Variants in HS3ST3A1 observed in about 807,000 individuals in gnomAD.
The protein encoded by HS3ST3A1 is heparan sulfate glucosamine 3-O-sulfotransferase 3A1.
HS3ST3A1 carries 19 observed loss-of-function variants against 25.7 expected under a neutral mutation model. The ratio of observed to expected loss-of-function variants is 0.74; its 90% CI spans 0.52 to 1.08. HS3ST3A1 has a LOEUF of 1.08. HS3ST3A1 is among the 50% of genes least tolerant of loss of function. The pLI is 0.00. For synonymous variants in HS3ST3A1, 226 were observed against 278.6 expected (o/e 0.81, Z 1.88); for missense variants, 459 against 594.3 (o/e 0.77, Z 2.37).
At chr17:13,577,668 G>GAAAAAAACTCAGTCAGAGAT (rs1907980896) in intron 1 of HS3ST3A1, among the ~76,000 whole-genome samples, 1 of 152,018 alleles carries the variant, frequency 6.6e-6, no homozygotes, top group Admixed American at 6.6e-5. Flanking sequence ...TTTAGAAGAT[G>GAAAAAAACTCAGTCAGAGAT]AAAAAAACTC....
chr17:13,531,555 C>T (rs745824936), intron 1 of HS3ST3A1, among the ~76,000 whole-genome samples: 6 of 151,294 alleles, frequency 4.0e-5, no homozygotes, highest in Non-Finnish European at 8.8e-5. Context: ...CACCCAGTTC[C>T]CAGCATCTTT....
intron 1 of HS3ST3A1, among the ~76,000 whole-genome samples, chr17:13,545,832 G>A (rs780311002): frequency 3.9e-5 from 6 of 152,024 alleles, no homozygotes; most frequent in African/African-American, 7.3e-5. Flanking sequence ...AAAATTAGCC[G>A]GGTGTGGTGG....
chr17:13,587,025 A>T (rs1598434138), intron 1 of HS3ST3A1, among the ~76,000 whole-genome samples: 2 of 151,796 alleles, frequency 1.3e-5, no homozygotes, highest in East Asian at 1.9e-4. Context: ...TATTATTAAA[A>T]TTAATTTCAC....
At chr17:13,528,323 A>G (rs1433350390) in intron 1 of HS3ST3A1, among the ~76,000 whole-genome samples, 1 of 152,228 alleles carries the variant, frequency 6.6e-6, no homozygotes, top group African/African-American at 2.4e-5. Context: ...CCCTTCAGGA[A>G]AGGACTTGCC....
chr17:13,552,085 A>T (rs201835945), intron 1 of HS3ST3A1, among the ~76,000 whole-genome samples: 1 of 144,734 alleles, frequency 6.9e-6, no homozygotes, highest in Non-Finnish European at 1.5e-5. Context: ...TTATTTTTTT[A>T]TTTTTATTTT....
intron 1 of HS3ST3A1, among the ~76,000 whole-genome samples, chr17:13,591,784 G>A (rs868296199): frequency 4.0e-5 from 6 of 151,470 alleles, no homozygotes; most frequent in East Asian, 2.0e-4. Context: ...TCAGCTTCCC[G>A]AGTAGCTGGG....
Position 13,594,886 on chromosome 17 carries a change from T to C in HS3ST3A1, c.599+5645A>G, listed in dbSNP as rs534206120. ...CTTTTTTAAATTGAGACTGCAAATATGCTCTATCATGATGAGGTTTTTCAA... is the reference window on the plus strand; with the variant it reads ...CTTTTTTAAATTGAGACTGCAAATACGCTCTATCATGATGAGGTTTTTCAA... On this transcript the variant is annotated intron_variant, in intron 1 of 1. Coordinates refer to ENST00000284110, the MANE Select transcript of HS3ST3A1 (RefSeq NM_006042.3). 1.2e-4 allele frequency among the ~76,000 whole-genome samples: 19 copies of C among 152,220 alleles called. No homozygotes were observed. In the South Asian group the frequency reaches 2.1e-3, roughly 17 times the overall value.
intron 1 of HS3ST3A1, among the ~76,000 whole-genome samples, chr17:13,507,820 G>T (rs2142302283): frequency 6.6e-6 from 1 of 152,302 alleles, no homozygotes; most frequent in Non-Finnish European, 1.5e-5. Context: ...GCCATGGCAA[G>T]AAGGTAGTTC....
chr17:13,586,405 G>A (rs1644748223), intron 1 of HS3ST3A1, among the ~76,000 whole-genome samples: 1 of 151,440 alleles, frequency 6.6e-6, no homozygotes, highest in Non-Finnish European at 1.5e-5. Flanking sequence ...AGCAGAACCA[G>A]AGGGGGTCTG....
chr17:13,516,154 CA>C (rs1422404909), intron 1 of HS3ST3A1, among the ~76,000 whole-genome samples: 2 of 151,968 alleles, frequency 1.3e-5, no homozygotes, highest in Non-Finnish European at 2.9e-5. Flanking sequence ...ACTAAAAATA[CA>C]AACAATGAGC....
At chr17:13,587,797 T>A (rs1908316146) in intron 1 of HS3ST3A1, among the ~76,000 whole-genome samples, 1 of 152,140 alleles carries the variant, frequency 6.6e-6, no homozygotes, top group South Asian at 2.1e-4. Flanking sequence ...ATATTTGTAG[T>A]TGAGCATATA....
intron 1 of HS3ST3A1, among the ~76,000 whole-genome samples, chr17:13,553,704 C>T (rs1247774918): frequency 3.3e-5 from 5 of 152,192 alleles, no homozygotes; most frequent in African/African-American, 1.2e-4. Context: ...CTAACTTACT[C>T]TTTTCTGGCA....
intron 1 of HS3ST3A1, among the ~76,000 whole-genome samples, chr17:13,581,362 G>T (rs1908106757): frequency 6.6e-6 from 1 of 151,720 alleles, no homozygotes; most frequent in Non-Finnish European, 1.5e-5. Flanking sequence ...AGCTACTCAG[G>T]AGGCTGAGGC....
chr17:13,511,116 C>A (rs1000052801), intron 1 of HS3ST3A1, among the ~76,000 whole-genome samples: 2 of 152,204 alleles, frequency 1.3e-5, no homozygotes, highest in Non-Finnish European at 2.9e-5. Flanking sequence ...AATAGGGACA[C>A]AGGTAAGAAG....
chr17:13,497,307 T>G (rs900733569), intron 1 of HS3ST3A1, among the ~76,000 whole-genome samples: 1 of 152,240 alleles, frequency 6.6e-6, no homozygotes, highest in Admixed American at 6.5e-5. Flanking sequence ...AAAATACTTA[T>G]GTTTGTAATT....
intron 1 of HS3ST3A1, among the ~76,000 whole-genome samples, chr17:13,544,669 G>A (rs1246493796): frequency 2.0e-5 from 3 of 151,912 alleles, no homozygotes; most frequent in Non-Finnish European, 2.9e-5. Flanking sequence ...GCCTCTCCCC[G>A]CACCCTGCTC....
At chr17:13,503,327 C>T (rs565850673) in intron 1 of HS3ST3A1, among the ~76,000 whole-genome samples, 2 of 152,176 alleles carry the variant, frequency 1.3e-5, no homozygotes, top group African/African-American at 4.8e-5. Context: ...CACAAAATTA[C>T]AGCTAGATAG....
chr17:13,535,189 A>G (rs1352937025), intron 1 of HS3ST3A1, among the ~76,000 whole-genome samples: 1 of 152,220 alleles, frequency 6.6e-6, no homozygotes, highest in Non-Finnish European at 1.5e-5. Context: ...GTTTAAAGAC[A>G]CATTATTTAA....
At chr17:13,511,791 A>G (rs977113772) in intron 1 of HS3ST3A1, among the ~76,000 whole-genome samples, 3 of 151,934 alleles carry the variant, frequency 2.0e-5, no homozygotes, top group African/African-American at 7.3e-5. Flanking sequence ...AAAATTAGGA[A>G]GTCAATTTAA....
Sources: allele counts gnomAD v4.1 joint callset (sites outside exome capture counted in the v4.1 genomes callset), GRCh38; gene constraint gnomAD v4.1.1; transcripts MANE v1.5; gene names NCBI Gene and HGNC (gene_info 2026-07-23, HGNC 2026-07-21).